The following FTO variants were observed in gnomAD, a reference collection of about 807,000 sequenced individuals.
FTO encodes the protein FTO alpha-ketoglutarate dependent dioxygenase, also known as alpha-ketoglutarate-dependent dioxygenase FTO.
A neutral mutation model predicts 63.9 loss-of-function variants in FTO; 47 were observed. The ratio of observed to expected loss-of-function variants is 0.74; its 90% CI spans 0.58 to 0.94. FTO has a LOEUF of 0.94. Ranked by LOEUF, FTO falls within the 40% of genes least tolerant of loss-of-function variation. The pLI is 0.00. For missense variants in FTO, 562 were observed against 618.1 expected (o/e 0.91, Z 0.96); for synonymous variants, 207 against 224.4 (o/e 0.92, Z 0.69).
At chr16:53,835,555 T>G (rs1336494854) in intron 3 of FTO, among the ~76,000 whole-genome samples, 1 of 152,182 alleles carries the variant, frequency 6.6e-6, no homozygotes, top group Non-Finnish European at 1.5e-5. Flanking sequence ...CAGTGTTCAT[T>G]TTAAGAGTTC....
At chr16:53,770,105 T>C (rs1036768334) in intron 1 of FTO, among the ~76,000 whole-genome samples, 1 of 151,942 alleles carries the variant, frequency 6.6e-6, no homozygotes, top group Non-Finnish European at 1.5e-5. Flanking sequence ...TTGAAAAAAA[T>C]GTATTGACTC....
intron 4 of FTO, among the ~76,000 whole-genome samples, chr16:53,848,660 A>G (rs1223173529): frequency 2.6e-5 from 4 of 152,216 alleles, no homozygotes; most frequent in Admixed American, 6.5e-5. Flanking sequence ...GATGTTTTCC[A>G]TAGACTGAAT....
intron 1 of FTO, among the ~76,000 whole-genome samples, chr16:53,727,528 T>C (rs2076179450): frequency 6.6e-6 from 1 of 152,244 alleles, no homozygotes; most frequent in Non-Finnish European, 1.5e-5. Context: ...TCTTATGCAA[T>C]TTATTTTTTA....
intron 8 of FTO, among the ~76,000 whole-genome samples, chr16:54,048,126 T>TAAA (rs71380060): frequency 7.3e-4 from 41 of 56,416 alleles, no homozygotes; most frequent in African/African-American, 2.8e-3. Context: ...AAAAAAAAAT[T>TAAA]AAAAAAAAAA....
At chr16:54,100,139 C>T (rs2086605903) in intron 8 of FTO, among the ~76,000 whole-genome samples, 1 of 152,020 alleles carries the variant, frequency 6.6e-6, no homozygotes, top group Non-Finnish European at 1.5e-5. Context: ...TAACAAGGGC[C>T]CAAATGATTC....
chr16:53,934,038 G>C lies in FTO; in HGVS notation c.1293G>C (p.Arg431Ser), dbSNP rs1488347423. 3 of 1,614,122 alleles carry C rather than the reference G, an allele frequency of 1.9e-6. No individual in the cohort carries two copies. Among genetic ancestry groups the C allele is most frequent in the African/African-American group, 2.7e-5 (2 of 75,062 alleles). The stretch of plus-strand genomic sequence containing the variant: ...GAGAGGGGCTCCCCGTGGAACAAAG[G>C]AATGAAATCTTGACTGCCATCCTTG... ...VKREGLPVEQRNEILTAILAS... is the reference protein window; with the variant it reads ...VKREGLPVEQSNEILTAILAS... The change falls in exon 8 of 9, where the codon AGG becomes AGC. Residue 431 changes from arginine (R) to serine (S), a missense_variant. Physicochemically the swap from Arg to Ser is moderately radical, Grantham distance 110. Transcript: ENST00000471389.
At chr16:53,833,655 A>G (rs1335220927) in intron 3 of FTO, among the ~76,000 whole-genome samples, 1 of 152,004 alleles carries the variant, frequency 6.6e-6, no homozygotes, top group East Asian at 1.9e-4. Context: ...GAACTGCTGT[A>G]CTGTTTTCTA....
At chr16:53,810,077 AAG>A (rs2078480418) in intron 1 of FTO, 61 bp from the exon 2 acceptor site, 5 of 1,095,936 alleles carry the variant, frequency 4.6e-6, no homozygotes, top group South Asian at 2.6e-5. Context: ...TTGGAAAAAT[AAG>A]AGAGTGTCTT....
intron 1 of FTO, among the ~76,000 whole-genome samples, chr16:53,759,219 T>G (rs2076991047): frequency 6.6e-6 from 1 of 152,180 alleles, no homozygotes; most frequent in Non-Finnish European, 1.5e-5. Context: ...GAAATTAAAT[T>G]TTCAACAGAA....
chr16:53,995,042 T>C (rs1567503852), intron 8 of FTO, among the ~76,000 whole-genome samples: 1 of 152,192 alleles, frequency 6.6e-6, no homozygotes, highest in Non-Finnish European at 1.5e-5. Context: ...CATATACCCA[T>C]GCAGCATGTG....
intron 7 of FTO, among the ~76,000 whole-genome samples, chr16:53,919,178 G>A (rs1461438486): frequency 6.6e-6 from 1 of 152,122 alleles, no homozygotes; most frequent in Non-Finnish European, 1.5e-5. Flanking sequence ...TTGCAAAATG[G>A]AAATGATAAT....
At chr16:53,861,874 A>G (rs1287269198) in intron 4 of FTO, among the ~76,000 whole-genome samples, 1 of 152,160 alleles carries the variant, frequency 6.6e-6, no homozygotes, top group Non-Finnish European at 1.5e-5. Context: ...TCTTTGCATT[A>G]TAGAAGAGTG....
rs548110976 is a variant in FTO at position 54,026,739 on chromosome 16, G to C, written c.1365-85023G>C. ...TCATAATGAAGCACTTCCTGGGGCA[G>C]AGAAAAAAGTAAGTGGAGTGAATGA... is the stretch of plus-strand genomic sequence containing the variant. On this transcript the variant is annotated intron_variant, in intron 8 of 8. Transcript: ENST00000471389. 5.3e-5 allele frequency among the ~76,000 whole-genome samples: 8 copies of C among 152,228 alleles called. No homozygotes were observed. The South Asian group carries it at 1.4e-3, about 28-fold the overall frequency.
intron 8 of FTO, among the ~76,000 whole-genome samples, chr16:53,951,040 T>A (rs1466357381): frequency 6.6e-6 from 1 of 152,230 alleles, no homozygotes; most frequent in Non-Finnish European, 1.5e-5. Flanking sequence ...TTCTATATAG[T>A]GATAATATAT....
At chr16:53,715,798 G>A (rs2075881479) in intron 1 of FTO, among the ~76,000 whole-genome samples, 1 of 152,126 alleles carries the variant, frequency 6.6e-6, no homozygotes, top group African/African-American at 2.4e-5. Context: ...TATAGACTCA[G>A]GTGCCCTCTT....
intron 2 of FTO, among the ~76,000 whole-genome samples, chr16:53,816,470 A>G (rs2078691404): frequency 6.7e-6 from 1 of 149,098 alleles, no homozygotes; most frequent in Non-Finnish European, 1.5e-5. Context: ...TGCTTCCCTC[A>G]CCTCATTTCC....
At chr16:53,707,495 C>T (rs2075655741) in intron 1 of FTO, among the ~76,000 whole-genome samples, 3 of 152,166 alleles carry the variant, frequency 2.0e-5, no homozygotes, top group Admixed American at 6.5e-5. Context: ...TGGATTCGGA[C>T]ATATCTTTTT....
At chr16:53,730,331 A>G (rs2076243265) in intron 1 of FTO, among the ~76,000 whole-genome samples, 1 of 152,142 alleles carries the variant, frequency 6.6e-6, no homozygotes, top group African/African-American at 2.4e-5. Context: ...TTTTTCTATA[A>G]TCCAACATGT....
intron 1 of FTO, among the ~76,000 whole-genome samples, chr16:53,764,767 T>C (rs2077158551): frequency 6.6e-6 from 1 of 152,184 alleles, no homozygotes; most frequent in African/African-American, 2.4e-5. Context: ...TAGCCCAGGC[T>C]GGAGTACAGT....
Sources: gnomAD v4.1 joint callset for allele counts (sites outside exome capture counted in the v4.1 genomes callset) on GRCh38, gnomAD v4.1.1 for gene constraint, MANE v1.5 for transcripts, NCBI Gene and HGNC (gene_info 2026-07-23, HGNC 2026-07-21) for gene names.